CLPB: variants seen among roughly 807,000 people sequenced by gnomAD.
The protein encoded by CLPB is ClpB family mitochondrial disaggregase.
Under a neutral mutation model 78.4 loss-of-function variants are expected in CLPB, and 40 were observed. The ratio of observed to expected loss-of-function variants is 0.51; its 90% CI spans 0.40 to 0.66. CLPB has a LOEUF of 0.66. Among genes scored for constraint, CLPB ranks in the 30% least tolerant of loss-of-function variants. The pLI is 0.00. For synonymous variants in CLPB, 333 were observed against 348.0 expected (o/e 0.96, Z 0.48); for missense variants, 780 against 886.9 (o/e 0.88, Z 1.53).
intron 4 of CLPB, among the ~76,000 whole-genome samples, chr11:72,372,018 C>T (rs1172467921): frequency 6.6e-6 from 1 of 152,166 alleles, no homozygotes; most frequent in Non-Finnish European, 1.5e-5. Flanking sequence ...TTCTCAAGCG[C>T]TTTCGTAAGT....
rs748915609 is a variant in CLPB, at chr11:72,295,567, C to T, written c.1411G>A (p.Glu471Lys). The change falls in exon 12 of 16, where the codon GAG becomes AAG. Residue 471 changes from glutamate to lysine, a missense_variant. Glu to Lys is a moderately conservative substitution (Grantham distance 56). Around this residue, in one of 3 missense-constraint regions of CLPB, gnomAD observed 272 missense variants for 304.0 expected, o/e 0.89. Transcript: ENST00000538039. ...AGCTGCAGCGCGTGCTGTGCGATCT[C>T]GTCGCTGGCCACATTGGAGGTCATG... is the stretch of plus-strand genomic sequence containing the variant. ...FIMTSNVASD[E>K]IAQHALQLRQ... The T allele has an allele frequency of 8.1e-6, 13 of 1,614,164 alleles. No homozygotes were observed. Among genetic ancestry groups the T allele is most frequent in the Middle Eastern group, 1.6e-4 (1 of 6,062 alleles).
At position 72,369,148 on chromosome 11, in the gene CLPB, C is replaced by T. The variant is rs562581229; in HGVS notation, c.647-10140G>A. Reference sequence around the variant, plus strand: ...CCTGTGGCCATGACAGTCAGTGCGGCATCCTCTCTGACTCAGGACCCTTCT... The same window carrying T: ...CCTGTGGCCATGACAGTCAGTGCGGTATCCTCTCTGACTCAGGACCCTTCT... On this transcript the variant is annotated intron_variant, in intron 4 of 15. Transcript: ENST00000538039. Among the ~76,000 whole-genome samples the T allele has an allele frequency of 8.5e-5, 13 of 152,278 alleles. No individual in the cohort carries two copies. In the East Asian group the frequency reaches 1.9e-3, roughly 23 times the overall value.
intron 8 of CLPB, 92 bp from the exon 9 acceptor site, chr11:72,307,346 A>G (rs1949764236): frequency 9.4e-7 from 1 of 1,058,572 alleles, no homozygotes; most frequent in Non-Finnish European, 1.5e-6. Flanking sequence ...CACTAGAAAG[A>G]ATATATTCTA....
At position 72,311,513 on chromosome 11, in the gene CLPB, G is replaced by A. The variant is rs117337068; in HGVS notation, c.989-2909C>T. 3.0e-4 allele frequency among the ~76,000 whole-genome samples: 46 copies of A among 152,300 alleles called. No individual in the cohort carries two copies. The East Asian group carries it at 8.5e-3, about 28-fold the overall frequency. On this transcript the variant is annotated intron_variant, in intron 7 of 15. Coordinates refer to ENST00000538039, the MANE Select transcript of CLPB (RefSeq NM_001258392.3). ...TTAGGTGACCTGCTTAAGGTTACAG[G>A]GGGAAGAAACAAAGACCCTGGGCTT...
intron 2 of CLPB, among the ~76,000 whole-genome samples, chr11:72,404,202 C>T (rs1265540454): frequency 6.6e-6 from 1 of 152,084 alleles, no homozygotes; most frequent in Non-Finnish European, 1.5e-5. Flanking sequence ...GCACTTGGTC[C>T]CCTGCTAGAT....
intron 5 of CLPB, among the ~76,000 whole-genome samples, chr11:72,330,789 CACAGAA>C (rs1439513113): frequency 1.3e-5 from 2 of 152,136 alleles, no homozygotes; most frequent in Non-Finnish European, 2.9e-5. Flanking sequence ...ATGTGTGTTA[CACAGAA>C]CATTAAGGTA....
At chr11:72,388,659 T>G (rs1344598625) in intron 3 of CLPB, among the ~76,000 whole-genome samples, 2 of 152,130 alleles carry the variant, frequency 1.3e-5, no homozygotes, top group South Asian at 2.1e-4. Flanking sequence ...TCAAACACCT[T>G]GACATATGGC....
Position 72,295,569 on chromosome 11 carries a change from T to C in CLPB, c.1409A>G (p.Asp470Gly), listed in dbSNP as rs1365431764. The C allele has an allele frequency of 1.2e-6, 2 of 1,614,166 alleles. No homozygotes were observed. ...IFIMTSNVAS[D>G]EIAQHALQLR... ...CTGCAGCGCGTGCTGTGCGATCTCGTCGCTGGCCACATTGGAGGTCATGAT... is the reference window on the plus strand; with the variant it reads ...CTGCAGCGCGTGCTGTGCGATCTCGCCGCTGGCCACATTGGAGGTCATGAT... The change falls in exon 12 of 16, where the codon GAC becomes GGC. Residue 470 changes from aspartate (D) to glycine (G), a missense_variant. Coordinates refer to ENST00000538039, the MANE Select transcript of CLPB (RefSeq NM_001258392.3).
At chr11:72,396,646 G>A (rs1054345819) in intron 3 of CLPB, among the ~76,000 whole-genome samples, 45 of 152,312 alleles carry the variant, frequency 3.0e-4, no homozygotes, top group African/African-American at 1.1e-3. Flanking sequence ...TACTCATAAA[G>A]TGAATTTATC....
chr11:72,420,958 G>C (rs935296270), intron 2 of CLPB, among the ~76,000 whole-genome samples: 2 of 152,128 alleles, frequency 1.3e-5, no homozygotes, highest in East Asian at 1.9e-4. Context: ...TCGGGAGTTC[G>C]GGACCAGCCT....
intron 5 of CLPB, 35 bp from the exon 6 acceptor site, chr11:72,329,839 G>C: frequency 6.5e-7 from 1 of 1,542,890 alleles, no homozygotes. Context: ...GAGGCTCTAT[G>C]AACGATCAGT....
At chr11:72,302,634 A>G in intron 9 of CLPB, 1 of 382,980 alleles carries the variant, frequency 2.6e-6, no homozygotes, top group Non-Finnish European at 5.0e-6. Flanking sequence ...TGTTCTGATC[A>G]CCACATCATC....
intron 4 of CLPB, among the ~76,000 whole-genome samples, chr11:72,360,748 T>C (rs1950824056): frequency 1.3e-5 from 2 of 152,328 alleles, no homozygotes; most frequent in South Asian, 4.1e-4. Context: ...TACTAATAGA[T>C]TTCACTTACT....
intron 1 of CLPB, among the ~76,000 whole-genome samples, chr11:72,431,383 A>G (rs924314420): frequency 1.3e-5 from 2 of 152,192 alleles, no homozygotes; most frequent in African/African-American, 2.4e-5. Context: ...AATGCACTGG[A>G]GTAGAGTGAA....
At chr11:72,426,507 C>T (rs1465439127) in intron 2 of CLPB, among the ~76,000 whole-genome samples, 1 of 150,024 alleles carries the variant, frequency 6.7e-6, no homozygotes, top group Non-Finnish European at 1.5e-5. Context: ...ACTTAAGTGC[C>T]TCAGGGGAGA....
At chr11:72,339,590 A>AT (rs1332929444) in intron 5 of CLPB, among the ~76,000 whole-genome samples, 4 of 152,220 alleles carry the variant, frequency 2.6e-5, no homozygotes, top group Non-Finnish European at 5.9e-5. Flanking sequence ...TGGTTTACAG[A>AT]TTTTTTTTCA....
chr11:72,399,270 C>T (rs1855495938), intron 3 of CLPB, among the ~76,000 whole-genome samples: 1 of 151,762 alleles, frequency 6.6e-6, no homozygotes, highest in Non-Finnish European at 1.5e-5. Flanking sequence ...ATTCAGGTGA[C>T]TACTATTTTA....
chr11:72,387,540 G>A (rs1224763847), intron 3 of CLPB, among the ~76,000 whole-genome samples: 2 of 151,908 alleles, frequency 1.3e-5, no homozygotes, highest in African/African-American at 4.8e-5. Context: ...TTTACTGATT[G>A]TGTGTTCTTG....
chr11:72,353,703 CTT>C (rs987414532), intron 5 of CLPB, among the ~76,000 whole-genome samples: 4 of 152,156 alleles, frequency 2.6e-5, no homozygotes, highest in African/African-American at 9.7e-5. Flanking sequence ...ACAGGAAAGA[CTT>C]CAGAAGGAAG....
Sources: allele counts gnomAD v4.1 joint callset (sites outside exome capture counted in the v4.1 genomes callset), GRCh38; gene constraint gnomAD v4.1.1; regional missense constraint gnomAD v4.1.1; transcripts MANE v1.5; gene names NCBI Gene and HGNC (gene_info 2026-07-23, HGNC 2026-07-21).